KIRREL1: variants seen among roughly 807,000 people sequenced by gnomAD.
KIRREL1 encodes kin of IRRE-like protein 1.
KIRREL1 carries 25 observed loss-of-function variants against 83.3 expected under a neutral mutation model. The observed-to-expected ratio is 0.30, with a 90% CI of 0.22 to 0.42. The LOEUF (loss-of-function observed/expected upper bound fraction) is 0.42. Ranked by LOEUF, KIRREL1 falls within the 10% of genes least tolerant of loss-of-function variation. The pLI, the probability that KIRREL1 is intolerant of heterozygous loss-of-function variation, is 1.00. For synonymous variants in KIRREL1, 388 were observed against 410.4 expected (o/e 0.95, Z 0.66); for missense variants, 812 against 1,032.3 (o/e 0.79, Z 2.92).
At position 158,096,369 on chromosome 1, in the gene KIRREL1, CTTT is replaced by C. The variant is rs946234511; in HGVS notation, c.*1259_*1261del. The C allele has an allele frequency of 4.3e-5, 13 of 301,586 alleles. No individual in the cohort carries two copies. Among genetic ancestry groups the C allele is most frequent in the South Asian group, 3.3e-4 (12 of 36,234 alleles). The allele number at this position is 301,586 out of a possible 1,614,324, so 18.7% of individuals were successfully genotyped here. ...GAGACAGGTTTTGGTTTTTAAGTGT[CTTT>C]TTTTTTTTTCTTGGACCAATCAGAT... On this transcript the variant is annotated 3_prime_UTR_variant, in exon 15 of 15. Transcript: ENST00000359209.
chr1:158,003,351 T>G (rs1167256951), intron 1 of KIRREL1, among the ~76,000 whole-genome samples: 1 of 152,082 alleles, frequency 6.6e-6, no homozygotes, highest in Non-Finnish European at 1.5e-5. Flanking sequence ...CTGAGAGAAG[T>G]TGAAGTTTTC....
Position 158,094,466 on chromosome 1 carries a change from G to A in KIRREL1, c.1797+76G>A, listed in dbSNP as rs1012763638. The A allele has an allele frequency of 5.5e-6, 8 of 1,465,034 alleles. No homozygotes were observed. The African/African-American group carries it at 5.5e-5, about 10-fold the overall frequency. The allele number at this position is 1,465,034 out of a possible 1,614,324, so 90.8% of individuals were successfully genotyped here. A position where few individuals can be genotyped will look rare whatever the true frequency, so the allele number is the denominator to read the frequency against. Reference sequence around the variant, plus strand: ...TTCTGAGGTCCTGTAGCGGGGAGGTGAGGTGAGGACAGACTTGGGGAGGAG... The same window carrying A: ...TTCTGAGGTCCTGTAGCGGGGAGGTAAGGTGAGGACAGACTTGGGGAGGAG... On this transcript the variant is annotated intron_variant, in intron 14 of 14. Coordinates refer to ENST00000359209, the MANE Select transcript of KIRREL1 (RefSeq NM_018240.7). This position sits in a 1 kb window ranked among gnomAD's most constrained non-coding sequence, Gnocchi z 4.6.
chr1:158,089,436 G>C (rs1239298263), intron 8 of KIRREL1, 66 bp from the exon 9 acceptor site: 1 of 1,596,704 alleles, frequency 6.3e-7, no homozygotes, highest in Non-Finnish European at 8.5e-7. Context: ...CTCCGATGTG[G>C]GGCCCTCATG....
intron 1 of KIRREL1, among the ~76,000 whole-genome samples, chr1:158,055,856 A>G (rs1175083547): frequency 6.6e-6 from 1 of 152,204 alleles, no homozygotes; most frequent in Admixed American, 6.5e-5. Context: ...GAGCATAAGG[A>G]CAGGAGTCCA....
chr1:158,087,719 A>C, intron 5 of KIRREL1, 36 bp from the exon 6 acceptor site: 1 of 1,504,340 alleles, frequency 6.6e-7, no homozygotes, highest in Non-Finnish European at 9.2e-7. Context: ...CTCAAGGGAC[A>C]GAAAAGACCC....
At chr1:158,084,120 A>G (rs1661949473) in intron 3 of KIRREL1, among the ~76,000 whole-genome samples, 1 of 152,196 alleles carries the variant, frequency 6.6e-6, no homozygotes, top group East Asian at 1.9e-4. Flanking sequence ...ACAGAGTGAC[A>G]CTCCATCTCA....
intron 1 of KIRREL1, among the ~76,000 whole-genome samples, chr1:158,048,602 T>G (rs1391473973): frequency 6.6e-6 from 1 of 152,084 alleles, no homozygotes; most frequent in Middle Eastern, 3.2e-3. Context: ...TCATCCAAAT[T>G]GGGACACAGG....
chr1:158,086,714 G>T lies in KIRREL1; in HGVS notation c.629G>T (p.Gly210Val). The T allele has an allele frequency of 1.3e-6, 2 of 1,551,632 alleles. No homozygotes were observed. Among genetic ancestry groups the T allele is most frequent in the Non-Finnish European group, 8.7e-7 (1 of 1,146,994 alleles). Residue 210 changes from glycine to valine, a missense_variant, in exon 5 of 15, where the codon GGC becomes GTC. By Grantham distance (109) the Gly-to-Val change is moderately radical. Around this residue, in one of 3 missense-constraint regions of KIRREL1, gnomAD observed 472 missense variants for 626.8 expected, o/e 0.75. Transcript: ENST00000359209. Reference protein sequence around the residue: ...CRSMNEAIPSGKETSIELDVH... With the variant: ...CRSMNEAIPSVKETSIELDVH... ...AGCATGAACGAAGCCATCCCTAGTG[G>T]CAAGGAGACTTCCATCGAGCTGGAT...
chr1:158,078,957 C>T (rs1661766461), intron 3 of KIRREL1, among the ~76,000 whole-genome samples: 1 of 152,044 alleles, frequency 6.6e-6, no homozygotes, highest in Non-Finnish European at 1.5e-5. Context: ...ACCCCTTGCC[C>T]CCCCTCACCC....
intron 1 of KIRREL1, among the ~76,000 whole-genome samples, 178 bp from the exon 2 acceptor site, chr1:158,075,935 A>G (rs1661665379): frequency 6.6e-6 from 1 of 152,216 alleles, no homozygotes; most frequent in Non-Finnish European, 1.5e-5. Flanking sequence ...AGGAAGGAAT[A>G]AAGGGTAAGG....
At chr1:158,076,051 G>T in intron 1 of KIRREL1, 62 bp from the exon 2 acceptor site, 1 of 1,486,966 alleles carries the variant, frequency 6.7e-7, no homozygotes, top group Non-Finnish European at 9.1e-7. Context: ...ATGGTGAGGG[G>T]GACCTCTTAG....
chr1:158,085,826 C>T (rs757391250), intron 4 of KIRREL1, among the ~76,000 whole-genome samples: 6 of 152,164 alleles, frequency 3.9e-5, no homozygotes, highest in South Asian at 2.1e-4. Flanking sequence ...TGTAAGACTT[C>T]GAGCCTGTGA....
chr1:158,077,755 A>G (rs969665433), intron 2 of KIRREL1, among the ~76,000 whole-genome samples: 9 of 151,608 alleles, frequency 5.9e-5, no homozygotes, highest in African/African-American at 2.2e-4. Flanking sequence ...AGCCTTGGAG[A>G]TTTCATCTGC....
At chr1:158,092,630 A>T (rs1662237356) in intron 11 of KIRREL1, among the ~76,000 whole-genome samples, 1 of 152,134 alleles carries the variant, frequency 6.6e-6, no homozygotes, top group African/African-American at 2.4e-5. Context: ...TACAGGCATG[A>T]GCCACCATGC....
At chr1:158,087,627 C>A in intron 5 of KIRREL1, 128 bp from the exon 6 acceptor site, 1 of 638,418 alleles carries the variant, frequency 1.6e-6, no homozygotes, top group Non-Finnish European at 2.8e-6. Context: ...TTAACTGGAG[C>A]CGATACACTG....
intron 1 of KIRREL1, among the ~76,000 whole-genome samples, chr1:158,016,525 A>AT (rs112892231): frequency 5.3e-5 from 8 of 151,618 alleles, no homozygotes; most frequent in East Asian, 1.9e-4. Context: ...CCAGCCACTG[A>AT]TTTTTTTTTA....
At chr1:158,010,351 A>G (rs1474830964) in intron 1 of KIRREL1, among the ~76,000 whole-genome samples, 1 of 140,182 alleles carries the variant, frequency 7.1e-6, no homozygotes, top group African/African-American at 2.6e-5. Flanking sequence ...ACACACACAC[A>G]CACACACACA....
In KIRREL1 at chr1:158,020,053, T is replaced by C. The variant is rs539235365; in HGVS notation, c.52+26325T>C. 2.6e-5 allele frequency among the ~76,000 whole-genome samples: 4 copies of C among 152,260 alleles called. No individual in the cohort carries two copies. The East Asian group carries it at 7.7e-4, about 29-fold the overall frequency. ...GTTGCTTTAGGAGCAAGAACTGTCT[T>C]GCTGAAATAAATGATGGCTGTGCAG... On this transcript the variant is annotated intron_variant, in intron 1 of 14. Transcript: ENST00000359209.
At chr1:158,029,338 T>TGTGTGTGTGTGTGTGC (rs1660255155) in intron 1 of KIRREL1, among the ~76,000 whole-genome samples, 1 of 3,442 alleles carries the variant, frequency 2.9e-4, no homozygotes, top group African/African-American at 5.7e-4. Context: ...AACAAAAACC[T>TGTGTGTGTGTGTGTGC]GTGTGTGTGT....
Sources: gnomAD v4.1 joint callset for allele counts (sites outside exome capture counted in the v4.1 genomes callset) on GRCh38, gnomAD v4.1.1 for gene constraint, gnomAD v4.1.1 regional missense constraint, Gnocchi (gnomAD v3.1) non-coding constraint, MANE v1.5 for transcripts, NCBI Gene and HGNC (gene_info 2026-07-23, HGNC 2026-07-21) for gene names.